The following SAMMSON variants were observed in gnomAD, a reference collection of about 807,000 sequenced individuals.
SAMMSON encodes survival associated mitochondrial melanoma specific oncogenic non-coding RNA.
chr3:70,132,004 C>T (rs748661665), intron 4 of SAMMSON, among the ~76,000 whole-genome samples: 1 of 152,128 alleles, frequency 6.6e-6, no homozygotes, highest in African/African-American at 2.4e-5. Flanking sequence ...AAAGGACCCC[C>T]TCTTGGCCAA....
chr3:70,364,237 T>C (rs1702901333), intron 9 of SAMMSON, among the ~76,000 whole-genome samples: 1 of 151,920 alleles, frequency 6.6e-6, no homozygotes, highest in South Asian at 2.1e-4. Context: ...GTTAATCCTC[T>C]GGCAGTTTCA....
intron 4 of SAMMSON, among the ~76,000 whole-genome samples, chr3:70,135,838 C>A (rs1397151409): frequency 6.6e-6 from 1 of 152,038 alleles, no homozygotes; most frequent in Non-Finnish European, 1.5e-5. Flanking sequence ...TTTTACTATA[C>A]CATTTTTCTC....
chr3:70,002,469 A>G (rs2066909924), intron 1 of SAMMSON, among the ~76,000 whole-genome samples: 1 of 152,176 alleles, frequency 6.6e-6, no homozygotes, highest in South Asian at 2.1e-4. Context: ...ATATATAAAA[A>G]CACAAAGAAA....
At chr3:70,158,155 C>T (rs1297226888) in intron 4 of SAMMSON, among the ~76,000 whole-genome samples, 1 of 152,054 alleles carries the variant, frequency 6.6e-6, no homozygotes, top group African/African-American at 2.4e-5. Flanking sequence ...AGTTTTAGAA[C>T]ATTTTTATCA....
chr3:70,305,961 A>G (rs1037061898), intron 7 of SAMMSON, among the ~76,000 whole-genome samples: 1 of 152,130 alleles, frequency 6.6e-6, no homozygotes, highest in South Asian at 2.1e-4. Context: ...TTGGATTATT[A>G]GTCTCTAATA....
intron 7 of SAMMSON, among the ~76,000 whole-genome samples, chr3:70,352,398 G>C (rs912943736): frequency 2.5e-4 from 38 of 152,142 alleles, no homozygotes; most frequent in African/African-American, 8.9e-4. Flanking sequence ...TAGCAACCCA[G>C]AATCCTATAT....
chr3:70,185,837 C>T (rs1701087514), intron 4 of SAMMSON, among the ~76,000 whole-genome samples: 1 of 148,668 alleles, frequency 6.7e-6, no homozygotes, highest in African/African-American at 2.5e-5. Flanking sequence ...ATTAGCTGGG[C>T]ATGATGGTGT....
intron 2 of SAMMSON, among the ~76,000 whole-genome samples, chr3:70,426,907 G>T (rs34392193): frequency 0.29 from 43,690 of 152,112 alleles, 6,605 homozygotes; most frequent in Non-Finnish European, 0.33. Context: ...CTCATTTCTG[G>T]ATCACTTTCA....
chr3:70,027,965 G>A (rs1017498699), intron 3 of SAMMSON, among the ~76,000 whole-genome samples: 2 of 152,118 alleles, frequency 1.3e-5, no homozygotes, highest in African/African-American at 4.8e-5. Context: ...AAAGGCCTTT[G>A]CAACACACAA....
intron 4 of SAMMSON, among the ~76,000 whole-genome samples, chr3:70,089,387 A>G (rs1479733982): frequency 6.6e-6 from 1 of 152,182 alleles, no homozygotes; most frequent in African/African-American, 2.4e-5. Flanking sequence ...ATTATCCCCA[A>G]TTAATGCAAA....
At chr3:70,186,600 T>C (rs1035269185) in intron 4 of SAMMSON, among the ~76,000 whole-genome samples, 6 of 152,052 alleles carry the variant, frequency 3.9e-5, no homozygotes, top group African/African-American at 1.4e-4. Flanking sequence ...TTTTGAAAGG[T>C]TACCTAATAG....
intron 2 of SAMMSON, among the ~76,000 whole-genome samples, chr3:70,405,820 C>G (rs1032926469): frequency 2.6e-5 from 4 of 152,004 alleles, no homozygotes; most frequent in African/African-American, 9.7e-5. Flanking sequence ...TTTTATGAGA[C>G]TATAAGCCCA....
intron 2 of SAMMSON, among the ~76,000 whole-genome samples, chr3:70,433,626 G>T (rs1425295769): frequency 1.3e-5 from 2 of 151,958 alleles, no homozygotes; most frequent in Non-Finnish European, 2.9e-5. Flanking sequence ...TCTAATAGCT[G>T]TCTTTTGCAG....
At chr3:70,384,083 G>A (rs574938659) in intron 9 of SAMMSON, among the ~76,000 whole-genome samples, 1 of 151,490 alleles carries the variant, frequency 6.6e-6, no homozygotes, top group Non-Finnish European at 1.5e-5. Flanking sequence ...AGAAAGCAAG[G>A]GCTAAAAAAA....
intron 9 of SAMMSON, among the ~76,000 whole-genome samples, chr3:70,369,402 C>T (rs530605568): frequency 6.6e-6 from 1 of 151,626 alleles, no homozygotes. Context: ...TTTTTAAATT[C>T]TCTCAAAATG....
At chr3:70,039,593 T>TCACACACA (rs56058406) in intron 3 of SAMMSON, among the ~76,000 whole-genome samples, 76 of 135,700 alleles carry the variant, frequency 5.6e-4, no homozygotes, top group South Asian at 1.6e-3. Context: ...ACACATCTCT[T>TCACACACA]CACACACACA....
intron 4 of SAMMSON, among the ~76,000 whole-genome samples, chr3:70,231,797 A>G (rs1701562165): frequency 6.6e-6 from 1 of 152,198 alleles, no homozygotes; most frequent in Non-Finnish European, 1.5e-5. Context: ...TTAGGTGGCA[A>G]TGAAATTACT....
chr3:70,322,483 G>C (rs1414429750), intron 7 of SAMMSON, among the ~76,000 whole-genome samples: 1 of 151,924 alleles, frequency 6.6e-6, no homozygotes, highest in African/African-American at 2.4e-5. Flanking sequence ...GCTTTCTTTC[G>C]TCCAGTACTT....
At chr3:70,349,182 T>G (rs187074549) in intron 7 of SAMMSON, among the ~76,000 whole-genome samples, 131 of 152,184 alleles carry the variant, frequency 8.6e-4, no homozygotes, top group Non-Finnish European at 1.7e-3. Flanking sequence ...GAGACCAGCC[T>G]GGCCAACATG....
Sources: gnomAD v4.1 joint callset for allele counts (sites outside exome capture counted in the v4.1 genomes callset) on GRCh38, gnomAD v4.1.1 for gene constraint, MANE v1.5 for transcripts, NCBI Gene and HGNC (gene_info 2026-07-23, HGNC 2026-07-21) for gene names.